Variants in NDRG1 observed in about 807,000 individuals in gnomAD.
The protein encoded by NDRG1 is N-myc downstream regulated 1, also known as protein NDRG1.
In NDRG1, 32 loss-of-function variants were observed where a neutral mutation model predicts 56.9. That is an observed-to-expected ratio of 0.56 (90% CI 0.42 to 0.76). NDRG1 has a LOEUF of 0.76. NDRG1 is among the 30% of genes least tolerant of loss of function. NDRG1 has a pLI of 0.00. For synonymous variants in NDRG1, 211 were observed against 204.1 expected (o/e 1.03, Z -0.29); for missense variants, 507 against 545.7 (o/e 0.93, Z 0.71).
chr8:133,262,477 T>C (rs570868394), intron 4 of NDRG1, among the ~76,000 whole-genome samples: 2 of 152,184 alleles, frequency 1.3e-5, no homozygotes, highest in African/African-American at 4.8e-5. Context: ...AGGGTCAGGA[T>C]GGCCCTGGCA....
At chr8:133,277,128 A>G (rs918035116) in intron 3 of NDRG1, among the ~76,000 whole-genome samples, 1 of 152,268 alleles carries the variant, frequency 6.6e-6, no homozygotes, top group African/African-American at 2.4e-5. Context: ...TAATAATAAT[A>G]TAGTGTATGA....
chr8:133,254,714 G>A, intron 8 of NDRG1, 119 bp from the exon 9 acceptor site: 1 of 979,256 alleles, frequency 1.0e-6, no homozygotes, highest in African/African-American at 1.6e-5. Context: ...CTACATGCAG[G>A]CCTCAAGGAC....
intron 3 of NDRG1, among the ~76,000 whole-genome samples, chr8:133,276,262 G>A (rs145462932): frequency 6.0e-4 from 91 of 152,316 alleles, no homozygotes; most frequent in African/African-American, 2.0e-3. Flanking sequence ...TAGGTCAGTT[G>A]CCTGTGTCCT....
In NDRG1 at chr8:133,254,593, G is replaced by A; in HGVS notation, c.540C>T (p.Ile180=). The change falls in exon 9 of 16, where the codon ATC becomes ATT. Residue 180 remains isoleucine (I), a splice_region_variant and synonymous_variant. Coordinates refer to ENST00000323851, the MANE Select transcript of NDRG1 (RefSeq NM_006096.4). ...CCGGCAGAGCTTGGGTCCATCCTGA[G>A]ATCTGGAAAGGAGTAAAGTGGGTGG... ...EGWMDWAASK[I]SGWTQALPDM... 6.2e-7 allele frequency: 1 copy of A among 1,614,034 alleles called. No individual in the cohort carries two copies. The highest frequency in any genetic ancestry group is 8.5e-7 in the Non-Finnish European group (1 of 1,179,968).
chr8:133,296,971 C>T (rs1166798803), intron 1 of NDRG1, 163 bp downstream of exon 1: 1 of 163,964 alleles, frequency 6.1e-6, no homozygotes, highest in African/African-American at 2.4e-5. Flanking sequence ...ACCCAAAGCC[C>T]CCTCGCGCCC....
At chr8:133,284,405 T>G in intron 1 of NDRG1, 76 bp from the exon 2 acceptor site, 1 of 1,372,000 alleles carries the variant, frequency 7.3e-7, no homozygotes, top group African/African-American at 1.4e-5. Context: ...CCAAGACCAA[T>G]GGCAAGAAGG....
At position 133,238,846 on chromosome 8, in the gene NDRG1, C is replaced by G. The variant is rs1428008406; in HGVS notation, c.*32G>C. The G allele has an allele frequency of 1.9e-6, 3 of 1,542,296 alleles. No individual in the cohort carries two copies. The highest frequency in any genetic ancestry group is 2.6e-6 in the Non-Finnish European group (3 of 1,147,122). On this transcript the variant is annotated 3_prime_UTR_variant, in exon 16 of 16. Transcript: ENST00000323851. ...GGGAGGAGGGGGCCACTACAGAGAT[C>G]AGAGTCCGGGGGCGGCAGCTGGGCA... is the stretch of plus-strand genomic sequence containing the variant.
At chr8:133,244,647 C>T (rs541860805) in intron 13 of NDRG1, 1 of 588,268 alleles carries the variant, frequency 1.7e-6, no homozygotes, top group South Asian at 2.0e-5. Flanking sequence ...GATAATTTCA[C>T]TCCATTCCCC....
intron 1 of NDRG1, among the ~76,000 whole-genome samples, chr8:133,296,176 C>T (rs1210343777): frequency 2.0e-5 from 3 of 152,082 alleles, no homozygotes; most frequent in African/African-American, 7.2e-5. Context: ...CGCGGCGGAT[C>T]CCCCAGGAAC....
chr8:133,247,965 C>A, intron 11 of NDRG1, 39 bp from the exon 12 acceptor site: 15 of 1,606,728 alleles, frequency 9.3e-6, no homozygotes, highest in Non-Finnish European at 1.2e-5. Context: ...GCACAAGGTT[C>A]CTTTAAAGAT....
intron 3 of NDRG1, among the ~76,000 whole-genome samples, chr8:133,275,749 G>A (rs1857421335): frequency 1.3e-5 from 2 of 152,180 alleles, no homozygotes; most frequent in African/African-American, 4.8e-5. Flanking sequence ...GGAAGCAAAT[G>A]GCTTGAGGTC....
chr8:133,279,654 C>A (rs750946272), intron 3 of NDRG1, among the ~76,000 whole-genome samples: 1 of 152,162 alleles, frequency 6.6e-6, no homozygotes, highest in South Asian at 2.1e-4. Flanking sequence ...CAGCATGGGA[C>A]CCACCCCAGC....
rs1399154074 is a variant in NDRG1 at position 133,239,100 on chromosome 8, G to A, written c.963C>T (p.Thr321=). ...AGGCTGTGCGGGACCGCATCAGGCG[G>A]GTCATGCTAGCCGAGGGCACTAGGG... ...GMGYMPSASM[T]RLMRSRTASG... is the part of the protein sequence containing the mutation. The change falls in exon 16 of 16, where the codon ACC becomes ACT. Residue 321 remains threonine (T), a synonymous_variant. Coordinates refer to ENST00000323851, the MANE Select transcript of NDRG1 (RefSeq NM_006096.4). The A allele has an allele frequency of 6.4e-7, 1 of 1,561,568 alleles. No homozygotes were observed. The highest frequency in any genetic ancestry group is 1.4e-5 in the African/African-American group (1 of 73,904).
intron 7 of NDRG1, among the ~76,000 whole-genome samples, chr8:133,257,446 C>A (rs1856444249): frequency 6.6e-6 from 1 of 152,152 alleles, no homozygotes; most frequent in East Asian, 1.9e-4. Flanking sequence ...GTATAGTCTA[C>A]AACTCACCAA....
intron 13 of NDRG1, among the ~76,000 whole-genome samples, chr8:133,246,367 C>G (rs1221092793): frequency 6.6e-6 from 1 of 152,262 alleles, no homozygotes; most frequent in African/African-American, 2.4e-5. Flanking sequence ...TCCCTGGTCC[C>G]TCTATCCCCA....
rs2130653898 is a variant in NDRG1, at chr8:133,238,613, A to G, written c.*265T>C. ...TTTGGTGTCTCTGAGGGAGGGGAGG[A>G]GAGTGGCAACCGGCCACTGGTTAAT... On this transcript the variant is annotated 3_prime_UTR_variant, in exon 16 of 16. Transcript: ENST00000323851. 1.8e-6 allele frequency: 1 copy of G among 548,750 alleles called. No homozygotes were observed. The highest frequency in any genetic ancestry group is 3.0e-5 in the East Asian group (1 of 33,650). The allele number at this position is 548,750 out of a possible 1,614,324, so 34.0% of individuals were successfully genotyped here.
rs1439170641 is a variant in NDRG1, at chr8:133,244,477, C to T, written c.856-87G>A. Reference sequence around the variant, plus strand: ...AATTTTTTCCGAAAGGATGCCCATCCGCCCGCTGCCCTGCCCTGCCTTGTC... The same window carrying T: ...AATTTTTTCCGAAAGGATGCCCATCTGCCCGCTGCCCTGCCCTGCCTTGTC... On this transcript the variant is annotated intron_variant, in intron 13 of 15. Transcript: ENST00000323851. The T allele has an allele frequency of 2.5e-5, 37 of 1,482,630 alleles. No homozygotes were observed. The Middle Eastern group carries it at 5.2e-4, about 21-fold the overall frequency. 91.8% of individuals were successfully genotyped at this position (1,482,630 alleles called of 1,614,324 possible).
chr8:133,272,847 T>C (rs1857262302), intron 3 of NDRG1, among the ~76,000 whole-genome samples: 1 of 152,144 alleles, frequency 6.6e-6, no homozygotes, highest in African/African-American at 2.4e-5. Context: ...TCTGTCTGAG[T>C]TCTGCCCACC....
chr8:133,240,535 G>A (rs895685607), intron 15 of NDRG1: 7 of 152,194 alleles, frequency 4.6e-5, no homozygotes, highest in South Asian at 2.1e-4. Context: ...GATGAGAAGC[G>A]TACAGTGAGC....
Sources: gnomAD v4.1 joint callset for allele counts (sites outside exome capture counted in the v4.1 genomes callset) on GRCh38, gnomAD v4.1.1 for gene constraint, MANE v1.5 for transcripts, NCBI Gene and HGNC (gene_info 2026-07-23, HGNC 2026-07-21) for gene names.